The following ANKRD45 variants were observed in gnomAD, a reference collection of about 807,000 sequenced individuals.
ANKRD45 encodes the protein ankyrin repeat domain-containing protein 45.
A neutral mutation model predicts 28.1 loss-of-function variants in ANKRD45; 21 were observed. That is an observed-to-expected ratio of 0.75 (90% CI 0.53 to 1.08). The LOEUF is 1.08. Among genes scored for constraint, ANKRD45 ranks in the 50% least tolerant of loss-of-function variants. ANKRD45 has a pLI of 0.00. For synonymous variants in ANKRD45, 86 were observed against 103.9 expected, an observed-to-expected ratio of 0.83 and a Z score of 1.05; for missense variants, 261 against 308.7, an observed-to-expected ratio of 0.85 and a Z score of 1.16.
At chr1:173,651,590 T>G (rs2102370345) in intron 2 of ANKRD45, among the ~76,000 whole-genome samples, 1 of 152,318 alleles carries the variant, frequency 6.6e-6, no homozygotes. Context: ...TCTTTTTTGG[T>G]TCCATATGAA....
Position 173,646,906 on chromosome 1 carries a change from C to A in ANKRD45, c.436G>T (p.Ala146Ser), listed in dbSNP as rs756065963. Residue 146 changes from alanine (A) to serine (S), a missense_variant, in exon 3 of 6, where the codon GCT becomes TCT. Coordinates refer to ENST00000333279, the MANE Select transcript of ANKRD45 (RefSeq NM_198493.3). ...IEALNFREERARDVAARYSQT... is the reference protein window; with the variant it reads ...IEALNFREERSRDVAARYSQT... ...GAATATCTAGCAGCAACATCTCGAG[C>A]CCTTTCTTCCCGGAAGTTCAAAGCT... The A allele has an allele frequency of 1.2e-6, 2 of 1,614,180 alleles. No individual in the cohort carries two copies. The highest frequency in any genetic ancestry group is 1.7e-6 in the Non-Finnish European group (2 of 1,180,036).
chr1:173,686,591 A>G, the ANKRD45 span, among the ~76,000 whole-genome samples: 2 of 152,162 alleles, frequency 1.3e-5, no homozygotes, highest in African/African-American at 2.4e-5. Flanking sequence ...TAAAAGACTT[A>G]GTTTTGAGGG....
intron 5 of ANKRD45, among the ~76,000 whole-genome samples, chr1:173,612,281 A>G (rs1468705687): frequency 3.5e-5 from 4 of 114,930 alleles, no homozygotes; most frequent in Admixed American, 3.2e-4. Flanking sequence ...GAGAGGGAGG[A>G]AGGAAAGAAG....
chr1:173,700,137 G>A, the ANKRD45 span, among the ~76,000 whole-genome samples: 15 of 152,244 alleles, frequency 9.9e-5, no homozygotes, highest in African/African-American at 3.4e-4. Context: ...CCTCTTCAAG[G>A]AGAACTACAA....
At chr1:173,699,658 A>T in the ANKRD45 span, among the ~76,000 whole-genome samples, 1 of 152,232 alleles carries the variant, frequency 6.6e-6, no homozygotes, top group African/African-American at 2.4e-5. Context: ...TTAGGTATTG[A>T]TGGGATGTAT....
chr1:173,632,379 AT>A (rs1668234179), intron 3 of ANKRD45, among the ~76,000 whole-genome samples: 3 of 152,170 alleles, frequency 2.0e-5, no homozygotes, highest in African/African-American at 7.2e-5. Flanking sequence ...CCAGGACCCA[AT>A]AGCTTCATGC....
At chr1:173,631,132 G>A (rs982413299) in intron 3 of ANKRD45, among the ~76,000 whole-genome samples, 1 of 151,904 alleles carries the variant, frequency 6.6e-6, no homozygotes, top group African/African-American at 2.4e-5. Context: ...AATAAAAAAA[G>A]ATATTCCATG....
At position 173,665,822 on chromosome 1, in the gene ANKRD45, A is replaced by C. The variant is rs530216234; in HGVS notation, c.-16+3995T>G. ...TCAGGAGTTCGAGACCAGCTTGGGC[A>C]ACACAGCGAAACCCCATCTCTACAA... On this transcript the variant is annotated intron_variant, in intron 1 of 5. Coordinates refer to ENST00000333279, the MANE Select transcript of ANKRD45 (RefSeq NM_198493.3). Among the ~76,000 whole-genome samples the C allele has an allele frequency of 2.0e-5, 3 of 152,190 alleles. 1 individual carries two copies. The highest frequency in any genetic ancestry group is 7.2e-5 in the African/African-American group (3 of 41,530).
At chr1:173,689,698 G>A in the ANKRD45 span, among the ~76,000 whole-genome samples, 2 of 152,106 alleles carry the variant, frequency 1.3e-5, no homozygotes, top group African/African-American at 2.4e-5. Flanking sequence ...GAAAGATTTC[G>A]AGTTCAGGGT....
chr1:173,637,480 T>C (rs1285317405), intron 3 of ANKRD45, among the ~76,000 whole-genome samples: 1 of 152,220 alleles, frequency 6.6e-6, no homozygotes, highest in East Asian at 1.9e-4. Context: ...CATGAGGTCA[T>C]AGCCTGTTTC....
At chr1:173,673,261 T>A (rs1670314856), upstream of ANKRD45, among the ~76,000 whole-genome samples, 1 of 151,800 alleles carries the variant, frequency 6.6e-6, no homozygotes, top group Non-Finnish European at 1.5e-5. Flanking sequence ...CAGGCACACA[T>A]CACCACGCCT....
At chr1:173,628,327 T>C (rs1412288823) in intron 3 of ANKRD45, among the ~76,000 whole-genome samples, 2 of 151,914 alleles carry the variant, frequency 1.3e-5, no homozygotes, top group African/African-American at 4.8e-5. Context: ...CCAAGCAGGA[T>C]CCTAAGGTCC....
chr1:173,704,585 C>A, the ANKRD45 span, among the ~76,000 whole-genome samples: 1 of 152,214 alleles, frequency 6.6e-6, no homozygotes, highest in Non-Finnish European at 1.5e-5. Context: ...GTGTTTCCAT[C>A]CACCAGAAGA....
chr1:173,626,351 A>T (rs1324759157), intron 4 of ANKRD45, among the ~76,000 whole-genome samples: 1 of 152,224 alleles, frequency 6.6e-6, no homozygotes, highest in Non-Finnish European at 1.5e-5. Flanking sequence ...GGGAATGCTT[A>T]GATCTAGTAC....
In ANKRD45 at chr1:173,615,383, CAA is replaced by C. The variant is rs60479508; in HGVS notation, c.731-5170_731-5169del. Among the ~76,000 whole-genome samples the C allele has an allele frequency of 8.0e-3, 703 of 87,612 alleles. 4 individuals are homozygous for C. The highest frequency in any genetic ancestry group is 0.018 in the African/African-American group (443 of 24,120). The allele number at this position is 87,612 out of a possible 152,430, so 57.5% of individuals were successfully genotyped here. ...CTGGCGACAGAGTAAGACTCCGTCT[CAA>C]AAAAAAAAAAAAAAAAAAATGCCCC... On this transcript the variant is annotated intron_variant, in intron 5 of 5. Coordinates refer to ENST00000333279, the MANE Select transcript of ANKRD45 (RefSeq NM_198493.3).
At chr1:173,673,117 T>C (rs1670309757), upstream of ANKRD45, among the ~76,000 whole-genome samples, 1 of 151,372 alleles carries the variant, frequency 6.6e-6, no homozygotes, top group South Asian at 2.1e-4. Flanking sequence ...TATACTTTTT[T>C]TTTTTTTTTT....
chr1:173,646,793 G>T, intron 3 of ANKRD45, 53 bp downstream of exon 3: 16 of 1,566,070 alleles, frequency 1.0e-5, no homozygotes, highest in Non-Finnish European at 1.3e-5. Flanking sequence ...TAACTCATAG[G>T]AGAAAAACTC....
Position 173,611,622 on chromosome 1 carries a change from A to C in ANKRD45, c.731-1407T>G, listed in dbSNP as rs12568477. Among the ~76,000 whole-genome samples the C allele has an allele frequency of 3.3e-4, 36 of 108,984 alleles. 1 individual carries two copies. Among genetic ancestry groups the C allele is most frequent in the East Asian group, 7.2e-4 (2 of 2,766 alleles). 71.5% of individuals were successfully genotyped at this position (108,984 alleles called of 152,430 possible). A position where few individuals can be genotyped will look rare whatever the true frequency, so the allele number is the denominator to read the frequency against. On this transcript the variant is annotated intron_variant, in intron 5 of 5. Transcript: ENST00000333279. ...ACACACACACACACACACACACACA[A>C]TAAAAATATATATCTCAAAATACAT...
intron 3 of ANKRD45, chr1:173,635,527 T>A: frequency 6.6e-7 from 1 of 1,516,004 alleles, no homozygotes; most frequent in East Asian, 2.5e-5. Flanking sequence ...GAAGGATGTC[T>A]AATCAAAGAC....
Sources: allele counts gnomAD v4.1 joint callset (sites outside exome capture counted in the v4.1 genomes callset), GRCh38; gene constraint gnomAD v4.1.1; transcripts MANE v1.5; gene names NCBI Gene and HGNC (gene_info 2026-07-23, HGNC 2026-07-21).